SLC39A10: variants seen among roughly 807,000 people sequenced by gnomAD.
The protein encoded by SLC39A10 is zinc transporter ZIP10.
SLC39A10 carries 13 observed loss-of-function variants against 65.1 expected under a neutral mutation model. The observed-to-expected ratio is 0.20, with a 90% CI of 0.13 to 0.32. SLC39A10 has a LOEUF of 0.32. Among genes scored for constraint, SLC39A10 ranks in the 10% least tolerant of loss-of-function variants. The pLI is 1.00. For missense variants in SLC39A10, 831 were observed against 1,018.4 expected (o/e 0.82, Z 2.50); for synonymous variants, 321 against 342.2 (o/e 0.94, Z 0.68).
chr2:195,670,416 G>A (rs1294238651), intron 1 of SLC39A10: 1 of 152,040 alleles, frequency 6.6e-6, no homozygotes, highest in Non-Finnish European at 1.5e-5. Context: ...TCTTTGTGCA[G>A]GGGCTATGCC....
intron 2 of SLC39A10, among the ~76,000 whole-genome samples, chr2:195,636,374 A>T (rs531948896): frequency 2.0e-5 from 3 of 152,234 alleles, no homozygotes; most frequent in South Asian, 2.1e-4. Context: ...AAGTATTTAA[A>T]TTTTTTTTAT....
chr2:195,659,799 T>C (rs1441036385), intron 1 of SLC39A10, among the ~76,000 whole-genome samples: 2 of 152,160 alleles, frequency 1.3e-5, no homozygotes, highest in African/African-American at 4.8e-5. Flanking sequence ...ACCTTTTTTC[T>C]ACATACAGAT....
intron 5 of SLC39A10, among the ~76,000 whole-genome samples, chr2:195,710,794 A>T (rs1368708073): frequency 2.0e-5 from 3 of 152,244 alleles, no homozygotes; most frequent in Non-Finnish European, 1.5e-5. Context: ...AGAGAAAAGT[A>T]AAAGAGAGCT....
chr2:195,617,255 A>T (rs893288465), intron 2 of SLC39A10, among the ~76,000 whole-genome samples: 7 of 152,140 alleles, frequency 4.6e-5, no homozygotes, highest in African/African-American at 1.7e-4. Context: ...ATATCTTTTT[A>T]AAAATTATTT....
chr2:195,676,069 G>GT (rs996267304), intron 1 of SLC39A10, among the ~76,000 whole-genome samples: 1 of 151,924 alleles, frequency 6.6e-6, no homozygotes, highest in African/African-American at 2.4e-5. Context: ...TAGTAGTGGA[G>GT]TTTTTTTATT....
upstream of SLC39A10, among the ~76,000 whole-genome samples, chr2:195,655,969 CTT>C (rs886744792): frequency 6.6e-6 from 1 of 152,324 alleles, no homozygotes; most frequent in South Asian, 2.1e-4. Context: ...AATCCCAACT[CTT>C]TTCTCTACCT....
Position 195,737,452 on chromosome 2 carries a change from A to AGT in SLC39A10, c.*2415_*2416dup, listed in dbSNP as rs1382103716. 1 of 162,670 alleles carries AGT rather than the reference A, an allele frequency of 6.1e-6. No homozygotes were observed. Among genetic ancestry groups the AGT allele is most frequent in the Non-Finnish European group, 1.4e-5 (1 of 73,776 alleles). 10.1% of individuals were successfully genotyped at this position (162,670 alleles called of 1,614,324 possible). A position where few individuals can be genotyped will look rare whatever the true frequency, so the allele number is the denominator to read the frequency against. ...TAGAAATACTATAGTAACTAGATGCAGTGTGAATTTTTTCCATTAACAAAC... is the reference window on the plus strand; with the variant it reads ...TAGAAATACTATAGTAACTAGATGCAGTGTGTGAATTTTTTCCATTAACAAAC... On this transcript the variant is annotated 3_prime_UTR_variant, in exon 10 of 10. Transcript: ENST00000359634.
intron 8 of SLC39A10, among the ~76,000 whole-genome samples, chr2:195,726,298 G>A (rs1023305168): frequency 1.3e-5 from 2 of 152,152 alleles, no homozygotes; most frequent in African/African-American, 4.8e-5. Context: ...AATGCATTTT[G>A]TAATCTAAAA....
At chr2:195,622,744 G>A (rs1381895898) in intron 2 of SLC39A10, among the ~76,000 whole-genome samples, 2 of 152,158 alleles carry the variant, frequency 1.3e-5, no homozygotes, top group South Asian at 2.1e-4. Flanking sequence ...AGGCCAAAGC[G>A]GGTGGATCAC....
intron 5 of SLC39A10, among the ~76,000 whole-genome samples, chr2:195,710,450 A>G (rs1219549189): frequency 6.6e-6 from 1 of 152,000 alleles, no homozygotes; most frequent in Admixed American, 6.6e-5. Context: ...ATTTTATACT[A>G]TTTTTGTTTC....
At chr2:195,663,288 T>G (rs755336543) in intron 1 of SLC39A10, among the ~76,000 whole-genome samples, 3 of 152,134 alleles carry the variant, frequency 2.0e-5, no homozygotes, top group Non-Finnish European at 2.9e-5. Flanking sequence ...AAACAAATAT[T>G]TTGGTATATT....
At chr2:195,682,842 G>GA (rs1175542537) in intron 2 of SLC39A10, among the ~76,000 whole-genome samples, 1 of 146,026 alleles carries the variant, frequency 6.8e-6, no homozygotes, top group Non-Finnish European at 1.5e-5. Context: ...GTGCTAAATA[G>GA]AAAAAAATAA....
At position 195,716,627 on chromosome 2, in the gene SLC39A10, A is replaced by AAG; in HGVS notation, c.1697-10_1697-9insAG. On this transcript the variant is annotated splice_polypyrimidine_tract_variant and intron_variant, in intron 6 of 9. Coordinates refer to ENST00000359634, the MANE Select transcript of SLC39A10 (RefSeq NM_020342.3). ...TTATTGATAAAGCATATCCTTTGCT[A>AAG]TAAATACAGGAACTGATGACTCGGT... The AAG allele has an allele frequency of 6.3e-7, 1 of 1,581,186 alleles. No individual in the cohort carries two copies. The highest frequency in any genetic ancestry group is 1.2e-5 in the South Asian group (1 of 83,278).
chr2:195,619,585 A>G (rs1688306130), intron 2 of SLC39A10, among the ~76,000 whole-genome samples: 1 of 152,242 alleles, frequency 6.6e-6, no homozygotes, highest in Non-Finnish European at 1.5e-5. Flanking sequence ...GCTGATGTAC[A>G]CGAGGAATGT....
intron 1 of SLC39A10, chr2:195,657,616 G>A (rs1574228236): frequency 1.0e-5 from 10 of 985,326 alleles, no homozygotes; most frequent in Non-Finnish European, 1.2e-5. Flanking sequence ...GGAGGTTGGC[G>A]GAGCCTCGCG....
At chr2:195,714,020 G>T (rs1296779183) in intron 6 of SLC39A10, among the ~76,000 whole-genome samples, 6 of 151,784 alleles carry the variant, frequency 4.0e-5, no homozygotes, top group Admixed American at 6.6e-5. Context: ...TCCGCCTCCC[G>T]GGTTCATGCC....
chr2:195,718,113 A>G (rs1691886503), intron 7 of SLC39A10, 139 bp from the exon 8 acceptor site: 1 of 552,482 alleles, frequency 1.8e-6, no homozygotes, highest in Non-Finnish European at 3.2e-6. Flanking sequence ...TTCAAAAACT[A>G]TAGTGTGTAA....
At chr2:195,665,126 A>T (rs183989308) in intron 1 of SLC39A10, among the ~76,000 whole-genome samples, 2 of 152,248 alleles carry the variant, frequency 1.3e-5, no homozygotes, top group South Asian at 2.1e-4. Context: ...GGAGTTTGAG[A>T]CTAGCCTGGC....
rs781036987 is a variant in SLC39A10, at chr2:195,708,793, A to G, written c.1524A>G (p.Leu508=). Residue 508 remains leucine (L), a synonymous_variant, in exon 5 of 10, where the codon CTA becomes CTG. Coordinates refer to ENST00000359634, the MANE Select transcript of SLC39A10 (RefSeq NM_020342.3). ...GLVALGGIYL[L]FIIEHCIRMF... is the part of the protein sequence containing the mutation. The stretch of plus-strand genomic sequence containing the variant: ...TTGCTCTAGGAGGCATTTACTTGCT[A>G]TTTATCATTGAACACTGCATTAGAA... The G allele has an allele frequency of 7.4e-6, 12 of 1,613,000 alleles. No individual in the cohort carries two copies. The highest frequency in any genetic ancestry group is 4.4e-5 in the South Asian group (4 of 90,778).
Sources: gnomAD v4.1 joint callset for allele counts (sites outside exome capture counted in the v4.1 genomes callset) on GRCh38, gnomAD v4.1.1 for gene constraint, MANE v1.5 for transcripts, NCBI Gene and HGNC (gene_info 2026-07-23, HGNC 2026-07-21) for gene names.